Variants in FAM135B observed in about 807,000 individuals in gnomAD.
FAM135B encodes the protein protein FAM135B.
A neutral mutation model predicts 127.7 loss-of-function variants in FAM135B; 43 were observed. The observed-to-expected ratio is 0.34, with a 90% CI of 0.26 to 0.43. The LOEUF is 0.43. FAM135B is among the 20% of genes least tolerant of loss of function. The pLI is 1.00. For missense variants in FAM135B, 1,558 were observed against 1,725.6 expected (o/e 0.90, Z 1.72); for synonymous variants, 670 against 665.1 (o/e 1.01, Z -0.11).
chr8:138,444,829 C>G (rs1258309854), intron 1 of FAM135B, among the ~76,000 whole-genome samples: 2 of 151,916 alleles, frequency 1.3e-5, no homozygotes, highest in Non-Finnish European at 2.9e-5. Context: ...GATAGAGACA[C>G]AAAAAACCCT....
At chr8:138,216,796 T>G (rs1818581995) in intron 7 of FAM135B, among the ~76,000 whole-genome samples, 1 of 152,220 alleles carries the variant, frequency 6.6e-6, no homozygotes, top group African/African-American at 2.4e-5. Context: ...CTTGGTAGTC[T>G]TTGCAATAAG....
At chr8:138,298,072 A>C (rs547700102) in intron 3 of FAM135B, among the ~76,000 whole-genome samples, 1 of 152,194 alleles carries the variant, frequency 6.6e-6, no homozygotes, top group African/African-American at 2.4e-5. Context: ...CTTTCTCTAC[A>C]CCTAAATTTC....
chr8:138,410,191 G>A (rs1833778279), intron 1 of FAM135B, among the ~76,000 whole-genome samples: 1 of 152,178 alleles, frequency 6.6e-6, no homozygotes, highest in Non-Finnish European at 1.5e-5. Context: ...TCCAGGAGGA[G>A]GAGAGGTTGA....
intron 1 of FAM135B, chr8:138,459,274 C>T (rs1013395826): frequency 1.3e-5 from 2 of 152,156 alleles, no homozygotes; most frequent in South Asian, 4.2e-4. Context: ...TTCTCCAGAA[C>T]CACTTTTCAC....
chr8:138,351,183 C>T (rs541488177), intron 2 of FAM135B, among the ~76,000 whole-genome samples: 2 of 152,274 alleles, frequency 1.3e-5, no homozygotes, highest in East Asian at 1.9e-4. Context: ...AATTGTGTCC[C>T]CTTCAAAGAG....
intron 2 of FAM135B, among the ~76,000 whole-genome samples, chr8:138,350,282 T>C (rs1829687587): frequency 6.6e-6 from 1 of 152,172 alleles, no homozygotes; most frequent in Non-Finnish European, 1.5e-5. Flanking sequence ...TTCTTTCACC[T>C]AAGTCAACAT....
intron 2 of FAM135B, among the ~76,000 whole-genome samples, chr8:138,343,885 A>G (rs1395969116): frequency 2.0e-5 from 3 of 152,196 alleles, no homozygotes; most frequent in Non-Finnish European, 2.9e-5. Flanking sequence ...ACACCACTGG[A>G]CAGGAGGGGG....
chr8:138,408,624 G>GC (rs1833671261), intron 1 of FAM135B, among the ~76,000 whole-genome samples: 1 of 151,978 alleles, frequency 6.6e-6, no homozygotes, highest in Non-Finnish European at 1.5e-5. Flanking sequence ...GTCTTGCATG[G>GC]CTGGGGGGCC....
chr8:138,405,434 A>G (rs769560929), intron 1 of FAM135B, among the ~76,000 whole-genome samples: 54 of 137,738 alleles, frequency 3.9e-4, no homozygotes, highest in Non-Finnish European at 6.4e-4. Context: ...TCATTGTTCT[A>G]TTCCCACCTA....
intron 9 of FAM135B, among the ~76,000 whole-genome samples, chr8:138,179,279 C>T (rs187574510): frequency 5.9e-5 from 9 of 152,306 alleles, no homozygotes; most frequent in Non-Finnish European, 1.0e-4. Flanking sequence ...GATCCATCTA[C>T]TGGACTCTAC....
chr8:138,192,813 T>C (rs1248337598), intron 9 of FAM135B, among the ~76,000 whole-genome samples: 1 of 152,216 alleles, frequency 6.6e-6, no homozygotes, highest in Non-Finnish European at 1.5e-5. Flanking sequence ...GAATTACTCT[T>C]TCTCTATTGC....
intron 7 of FAM135B, among the ~76,000 whole-genome samples, chr8:138,210,589 G>T (rs868064306): frequency 1.3e-5 from 2 of 152,018 alleles, no homozygotes; most frequent in African/African-American, 4.8e-5. Flanking sequence ...AGTAAGGGAG[G>T]GAAGCACCAC....
intron 7 of FAM135B, among the ~76,000 whole-genome samples, chr8:138,206,347 C>T (rs1586770248): frequency 1.4e-5 from 2 of 142,220 alleles, no homozygotes; most frequent in Non-Finnish European, 3.2e-5. Flanking sequence ...CTACCCACAA[C>T]TCCAGCATCC....
chr8:138,240,239 T>G (rs891929445), intron 7 of FAM135B, among the ~76,000 whole-genome samples: 15 of 152,198 alleles, frequency 9.9e-5, no homozygotes, highest in African/African-American at 3.6e-4. Context: ...GTAACCAGAG[T>G]CTGCTTTCTA....
chr8:138,158,656 GA>G (rs1324986839), intron 12 of FAM135B, among the ~76,000 whole-genome samples: 1 of 151,914 alleles, frequency 6.6e-6, no homozygotes, highest in Non-Finnish European at 1.5e-5. Flanking sequence ...CTTCTCAAAA[GA>G]AGACATTTAT....
intron 1 of FAM135B, among the ~76,000 whole-genome samples, chr8:138,390,529 A>G (rs1386886308): frequency 2.0e-5 from 3 of 152,196 alleles, no homozygotes; most frequent in Non-Finnish European, 4.4e-5. Context: ...TATCAGCACC[A>G]TGAAAAGGGA....
intron 3 of FAM135B, among the ~76,000 whole-genome samples, chr8:138,309,857 A>ACTTTTT: frequency 1.1e-5 from 1 of 90,946 alleles, no homozygotes; most frequent in Non-Finnish European, 1.9e-5. Context: ...AAGTCTTTCT[A>ACTTTTT]CTTTTTTTTT....
chr8:138,448,809 A>G, intron 1 of FAM135B, among the ~76,000 whole-genome samples: 1 of 151,504 alleles, frequency 6.6e-6, no homozygotes, highest in East Asian at 1.9e-4. Flanking sequence ...AAAAAAAGCT[A>G]GGAATCAGAA....
At chr8:138,251,542 C>A (rs1221471809) in intron 5 of FAM135B, among the ~76,000 whole-genome samples, 1 of 152,126 alleles carries the variant, frequency 6.6e-6, no homozygotes, top group Non-Finnish European at 1.5e-5. Context: ...TTAAAATGAA[C>A]AACTGACTGA....
Sources: allele counts gnomAD v4.1 joint callset (sites outside exome capture counted in the v4.1 genomes callset), GRCh38; gene constraint gnomAD v4.1.1; transcripts MANE v1.5; gene names NCBI Gene and HGNC (gene_info 2026-07-23, HGNC 2026-07-21).